Variants in PIWIL1 observed in about 807,000 individuals in gnomAD.
The protein encoded by PIWIL1 is piwi like RNA-mediated gene silencing 1.
PIWIL1 carries 73 observed loss-of-function variants against 114.4 expected under a neutral mutation model. The observed-to-expected ratio is 0.64, with a 90% confidence interval of 0.53 to 0.78. PIWIL1 has a LOEUF of 0.78. Among genes scored for constraint, PIWIL1 ranks in the 30% least tolerant of loss-of-function variants. The pLI, the probability that PIWIL1 is intolerant of heterozygous loss-of-function variation, is 0.00. For missense variants in PIWIL1, 723 were observed against 1,063.1 expected (o/e 0.68, Z 4.45); for synonymous variants, 375 against 369.0 (o/e 1.02, Z -0.19).
intron 1 of PIWIL1, 182 bp from the exon 2 acceptor site, chr12:130,342,398 T>A (rs2072946157): frequency 8.3e-6 from 5 of 603,556 alleles, no homozygotes; most frequent in Non-Finnish European, 1.2e-5. Context: ...GGTAAGCAAC[T>A]GAGTTTGTTG....
the PIWIL1 span, among the ~76,000 whole-genome samples, chr12:130,416,329 A>G: frequency 6.6e-6 from 1 of 152,248 alleles, no homozygotes; most frequent in Non-Finnish European, 1.5e-5. Flanking sequence ...AAACTATACT[A>G]TAAGGCTACA....
chr12:130,414,182 G>A, the PIWIL1 span: 6 of 1,614,228 alleles, frequency 3.7e-6, no homozygotes, highest in South Asian at 4.4e-5. Flanking sequence ...CTGGGTTTGG[G>A]GACATGGTGA....
chr12:130,361,606 G>GTGAGAC lies in PIWIL1; in HGVS notation c.1970+8_1970+13dup. The GTGAGAC allele has an allele frequency of 1.9e-6, 3 of 1,610,474 alleles. No homozygotes were observed. Among genetic ancestry groups the GTGAGAC allele is most frequent in the Non-Finnish European group, 2.5e-6 (3 of 1,176,662 alleles). ...CATCAATGAAGGGATGACCCGGTGA[G>GTGAGAC]TGAGACTGGGCTACTGTGGGTGGCA... On this transcript the variant is annotated splice_donor_region_variant and intron_variant, in intron 16 of 20. Transcript: ENST00000245255.
the PIWIL1 span, among the ~76,000 whole-genome samples, chr12:130,391,788 G>T: frequency 3.3e-5 from 1 of 30,276 alleles, no homozygotes. Context: ...CAGGCCACCT[G>T]CGACACCCAT....
At chr12:130,354,474 T>G (rs773702953) in intron 9 of PIWIL1, 63 bp from the exon 10 acceptor site, 1 of 1,602,536 alleles carries the variant, frequency 6.2e-7, no homozygotes, top group Non-Finnish European at 8.5e-7. Flanking sequence ...AAACCCTTTT[T>G]GCCCACTGAG....
At chr12:130,407,919 T>C in the PIWIL1 span, 2 of 1,156,948 alleles carry the variant, frequency 1.7e-6, no homozygotes, top group Non-Finnish European at 2.6e-6. Context: ...ACATGGCCAA[T>C]ACAGCCGAGA....
At chr12:130,425,185 G>A in the PIWIL1 span, 153 of 234,626 alleles carry the variant, frequency 6.5e-4, no homozygotes, top group Non-Finnish European at 1.0e-3. Flanking sequence ...CCACGGTACC[G>A]CTGCTGTAGA....
intron 3 of PIWIL1, among the ~76,000 whole-genome samples, chr12:130,344,170 G>A (rs7963072): frequency 0.22 from 33,081 of 152,074 alleles, 4,004 homozygotes; most frequent in African/African-American, 0.31. Flanking sequence ...GGATTTTTGC[G>A]TCCAGAACTG....
At chr12:130,360,492 G>A (rs955952852) in intron 14 of PIWIL1, among the ~76,000 whole-genome samples, 1 of 152,142 alleles carries the variant, frequency 6.6e-6, no homozygotes, top group South Asian at 2.1e-4. Flanking sequence ...AATTAGCCAG[G>A]CATGGTGGTG....
chr12:130,396,729 T>G, the PIWIL1 span: 1 of 152,662 alleles, frequency 6.6e-6, no homozygotes, highest in Non-Finnish European at 1.5e-5. Flanking sequence ...TTTTGAATGA[T>G]TGAGTAAACA....
chr12:130,424,823 GA>G, the PIWIL1 span: 1 of 1,232,604 alleles, frequency 8.1e-7, no homozygotes, highest in Non-Finnish European at 1.0e-6. The surrounding 1 kb of genome is among the most constrained non-coding windows in gnomAD (Gnocchi z 9.8). Flanking sequence ...GCTGCTCCCA[GA>G]AAGTGCCTTC....
At chr12:130,414,608 G>GGCA in the PIWIL1 span, 1 of 245,572 alleles carries the variant, frequency 4.1e-6, no homozygotes, top group Non-Finnish European at 7.9e-6. Context: ...CCGTGCCAGG[G>GGCA]GCAGGATGGC....
chr12:130,355,660 G>A lies in PIWIL1; in HGVS notation c.1397G>A (p.Gly466Glu). 1 of 1,608,810 alleles carries A rather than the reference G, an allele frequency of 6.2e-7. No individual in the cohort carries two copies. The highest frequency in any genetic ancestry group is 1.1e-5 in the South Asian group (1 of 90,974). Residue 466 changes from glycine (G) to glutamate (E), a missense_variant, in exon 12 of 21, where the codon GGA becomes GAA. Transcript: ENST00000245255. ...ILQTEKIHQG[G>E]KTFDYNPQFA... The stretch of plus-strand genomic sequence containing the variant: ...CAAACAGAAAAGATTCACCAAGGTG[G>A]AAAAACAGTAAGGCAGTTTTTCGTT...
chr12:130,363,401 T>G (rs1222715843), intron 18 of PIWIL1, among the ~76,000 whole-genome samples: 4 of 152,110 alleles, frequency 2.6e-5, no homozygotes, highest in East Asian at 3.9e-4. Context: ...TGATCAGCTT[T>G]CTTTCTTACC....
At chr12:130,425,331 A>G in the PIWIL1 span, 4 of 155,176 alleles carry the variant, frequency 2.6e-5, no homozygotes, top group Non-Finnish European at 5.7e-5. Flanking sequence ...GTCCCTGTCC[A>G]TCCACTGGGC....
chr12:130,378,716 G>T, the PIWIL1 span, among the ~76,000 whole-genome samples: 1 of 152,258 alleles, frequency 6.6e-6, no homozygotes, highest in African/African-American at 2.4e-5. Context: ...GGTAAGTAAT[G>T]TTGCTGAGCA....
chr12:130,416,022 T>G, the PIWIL1 span, among the ~76,000 whole-genome samples: 1 of 151,984 alleles, frequency 6.6e-6, no homozygotes, highest in Non-Finnish European at 1.5e-5. Flanking sequence ...AGAATGTACC[T>G]AACCAAGGAG....
intron 6 of PIWIL1, 39 bp from the exon 7 acceptor site, chr12:130,348,064 T>C: frequency 7.7e-7 from 1 of 1,303,348 alleles, no homozygotes; most frequent in Non-Finnish European, 1.1e-6. Context: ...GTATTAGAGA[T>C]ACTTATCAAT....
chr12:130,412,244 C>T, the PIWIL1 span, among the ~76,000 whole-genome samples: 1 of 152,118 alleles, frequency 6.6e-6, no homozygotes, highest in Non-Finnish European at 1.5e-5. Flanking sequence ...AAAGGCATAG[C>T]GGCCCCCCAA....
Sources: allele counts gnomAD v4.1 joint callset (sites outside exome capture counted in the v4.1 genomes callset), GRCh38; gene constraint gnomAD v4.1.1; non-coding constraint Gnocchi (gnomAD v3.1); transcripts MANE v1.5; gene names NCBI Gene and HGNC (gene_info 2026-07-23, HGNC 2026-07-21).